The following CCPG1 variants were observed in gnomAD, a reference collection of about 807,000 sequenced individuals.
CCPG1 encodes the protein cell cycle progression 1.
In CCPG1, 46 loss-of-function variants were observed where a neutral mutation model predicts 81.3. The ratio of observed to expected loss-of-function variants is 0.57; its 90% CI spans 0.45 to 0.72. The LOEUF (loss-of-function observed/expected upper bound fraction) is 0.72. Ranked by LOEUF, CCPG1 falls within the 30% of genes least tolerant of loss-of-function variation. The probability of loss-of-function intolerance (pLI) is 0.00; values close to 1 mark genes in which losing one functional copy is unlikely to be tolerated. For missense variants in CCPG1, 902 were observed against 937.6 expected (o/e 0.96, Z 0.50); for synonymous variants, 330 against 305.2 (o/e 1.08, Z -0.85).
intron 5 of CCPG1, 73 bp from the exon 6 acceptor site, chr15:55,372,117 T>A (rs372080152): frequency 2.8e-6 from 4 of 1,410,988 alleles, no homozygotes. Context: ...TTATTTAGAA[T>A]AATCAATGCC....
intron 2 of CCPG1, among the ~76,000 whole-genome samples, chr15:55,386,513 C>T (rs1205691331): frequency 1.3e-5 from 2 of 152,140 alleles, no homozygotes; most frequent in Non-Finnish European, 2.9e-5. Flanking sequence ...TCCCTATGTC[C>T]CCACTATAGT....
At position 55,355,571 on chromosome 15, in the gene CCPG1, T is replaced by C. The variant is rs2056062406; in HGVS notation, c.*649A>G. 2 of 606,860 alleles carry C rather than the reference T, an allele frequency of 3.3e-6. No homozygotes were observed. The highest frequency in any genetic ancestry group is 3.0e-5 in the Admixed American group (1 of 32,866). 37.6% of individuals were successfully genotyped at this position (606,860 alleles called of 1,614,324 possible). A position where few individuals can be genotyped will look rare whatever the true frequency, so the allele number is the denominator to read the frequency against. On this transcript the variant is annotated 3_prime_UTR_variant, in exon 9 of 9. Coordinates refer to ENST00000442196, the MANE Select transcript of CCPG1 (RefSeq NM_001204450.2). ...TTACCAAATATCACTACTGAGGAAA[T>C]GTATAAAATACCACATAGTATAAAA...
At chr15:55,395,667 T>TGACCCCATCCCTA (rs2141332186) in intron 1 of CCPG1, among the ~76,000 whole-genome samples, 1 of 152,158 alleles carries the variant, frequency 6.6e-6, no homozygotes, top group East Asian at 1.9e-4. Context: ...AACCATCCCT[T>TGACCCCATCCCTA]GACCCCATCC....
chr15:55,377,263 T>C, intron 4 of CCPG1, 113 bp from the exon 5 acceptor site: 1 of 721,820 alleles, frequency 1.4e-6, no homozygotes. Context: ...AAATAAAAGA[T>C]ATGATTCCTA....
rs1242893970 is a variant in CCPG1 at position 55,356,362 on chromosome 15, T to TG, written c.2281dup (p.His761ProfsTer15). On this transcript the variant is annotated frameshift_variant, in exon 9 of 9. Transcript: ENST00000442196. LOFTEE classifies it high-confidence loss of function. ...AAGGTGCTTCTGCTCTTGTTTTCGA[T>TG]GCCTGGAGTTTTCAATATTTACCAT... 2 of 1,535,286 alleles carry TG rather than the reference T, an allele frequency of 1.3e-6. No homozygotes were observed. Among genetic ancestry groups the TG allele is most frequent in the Non-Finnish European group, 1.7e-6 (2 of 1,146,768 alleles).
intron 1 of CCPG1, among the ~76,000 whole-genome samples, chr15:55,403,405 T>TAA (rs34854989): frequency 0.1 from 14,602 of 143,808 alleles, 968 homozygotes; most frequent in African/African-American, 0.18. Flanking sequence ...GATAAGTACT[T>TAA]AAAAAAAAAA....
intron 3 of CCPG1, among the ~76,000 whole-genome samples, chr15:55,383,897 A>G (rs2141299040): frequency 6.6e-6 from 1 of 152,318 alleles, no homozygotes; most frequent in South Asian, 2.1e-4. Context: ...TCTCCATGTC[A>G]GCAATAAGGC....
Position 55,385,663 on chromosome 15 carries a change from G to C in CCPG1, c.112C>G (p.Pro38Ala), listed in dbSNP as rs1424289453. 1.4e-5 allele frequency: 23 copies of C among 1,611,978 alleles called. No homozygotes were observed. Among genetic ancestry groups the C allele is most frequent in the Non-Finnish European group, 2.0e-5 (23 of 1,178,536 alleles). ...NSVTPTDSCE[P>A]APECSSLEQE... The stretch of plus-strand genomic sequence containing the variant: ...TCTAAAGATGAACATTCTGGGGCGG[G>C]CTCACAGCTGTCAGTGGGGGTCACA... Residue 38 changes from proline to alanine, a missense_variant, in exon 3 of 9, where the codon CCC becomes GCC. Coordinates refer to ENST00000442196, the MANE Select transcript of CCPG1 (RefSeq NM_001204450.2).
At chr15:55,377,990 G>C (rs2056601892) in intron 4 of CCPG1, among the ~76,000 whole-genome samples, 1 of 152,124 alleles carries the variant, frequency 6.6e-6, no homozygotes, top group Admixed American at 6.5e-5. Flanking sequence ...CAAAGCATAA[G>C]TCTCAGGTTG....
intron 8 of CCPG1, chr15:55,357,009 G>A: frequency 1.0e-6 from 1 of 985,428 alleles, no homozygotes; most frequent in South Asian, 4.7e-5. Context: ...GGATTTTCAA[G>A]GTACCACTCC....
rs1237981539 is a variant in CCPG1, at chr15:55,360,076, A to G, written c.1697T>C (p.Phe566Ser). The G allele has an allele frequency of 6.2e-7, 1 of 1,613,888 alleles. No individual in the cohort carries two copies. Among genetic ancestry groups the G allele is most frequent in the South Asian group, 1.1e-5 (1 of 91,084 alleles). The change falls in exon 8 of 9, where the codon TTT becomes TCT. Residue 566 changes from phenylalanine (F) to serine (S), a missense_variant. Physicochemically the swap from Phe to Ser is radical, Grantham distance 155 (BLOSUM62 -2). Transcript: ENST00000442196. Reference protein sequence around the residue: ...KEAAEKPRTVFSDYLHPQYKA... With the variant: ...KEAAEKPRTVSSDYLHPQYKA... The stretch of plus-strand genomic sequence containing the variant: ...ATACTGTGGATGTAAATAGTCACTA[A>G]AAACTGTTCTTGGTTTTTCAGCTGC...
intron 2 of CCPG1, among the ~76,000 whole-genome samples, chr15:55,387,335 G>C (rs1329716432): frequency 1.3e-5 from 2 of 152,152 alleles, no homozygotes; most frequent in Admixed American, 6.6e-5. Flanking sequence ...GTTGCTATGG[G>C]AGTTGATCTA....
intron 1 of CCPG1, among the ~76,000 whole-genome samples, chr15:55,401,806 G>A (rs1432465228): frequency 6.6e-6 from 1 of 152,084 alleles, no homozygotes; most frequent in Non-Finnish European, 1.5e-5. Context: ...TAAGTATTCT[G>A]TACAATAAAG....
chr15:55,380,845 G>A lies in CCPG1; in HGVS notation c.176-2469C>T, dbSNP rs531959417. 7.2e-3 allele frequency among the ~76,000 whole-genome samples: 854 copies of A among 118,808 alleles called. 4 individuals are homozygous for A. The highest frequency in any genetic ancestry group is 9.1e-3 in the Non-Finnish European group (556 of 60,846). 77.9% of individuals were successfully genotyped at this position (118,808 alleles called of 152,430 possible). On this transcript the variant is annotated intron_variant, in intron 3 of 8. Coordinates refer to ENST00000442196, the MANE Select transcript of CCPG1 (RefSeq NM_001204450.2). ...CTGACCAACATAGTGAAATCCCGTC[G>A]CTATTAAAATGGCCGGGCGCGGCGG...
intron 3 of CCPG1, among the ~76,000 whole-genome samples, chr15:55,378,857 A>G (rs1224061076): frequency 2.0e-5 from 3 of 152,150 alleles, no homozygotes; most frequent in African/African-American, 7.2e-5. Context: ...TTGGCCTCCC[A>G]AAGTGCTGGG....
At chr15:55,372,789 A>G (rs1281984822) in intron 5 of CCPG1, 1 of 333,630 alleles carries the variant, frequency 3.0e-6, no homozygotes, top group African/African-American at 2.2e-5. Flanking sequence ...GGAACACAGG[A>G]AAGTACACAA....
At chr15:55,366,046 T>C (rs2056320464) in intron 6 of CCPG1, among the ~76,000 whole-genome samples, 1 of 152,204 alleles carries the variant, frequency 6.6e-6, no homozygotes, top group Admixed American at 6.5e-5. Flanking sequence ...AGGCTAGTTC[T>C]TAAAAACATT....
At chr15:55,377,775 G>C (rs1405236154) in intron 4 of CCPG1, among the ~76,000 whole-genome samples, 4 of 152,158 alleles carry the variant, frequency 2.6e-5, no homozygotes, top group Non-Finnish European at 1.5e-5. Context: ...ATGCCATTTG[G>C]AAACAAGACA....
At chr15:55,384,691 T>C (rs542307347) in intron 3 of CCPG1, among the ~76,000 whole-genome samples, 29 of 152,058 alleles carry the variant, frequency 1.9e-4, no homozygotes, top group African/African-American at 7.0e-4. Flanking sequence ...ATAAATGAAA[T>C]ATTATAATTA....
Sources: gnomAD v4.1 joint callset for allele counts (sites outside exome capture counted in the v4.1 genomes callset) on GRCh38, gnomAD v4.1.1 for gene constraint, MANE v1.5 for transcripts, NCBI Gene and HGNC (gene_info 2026-07-23, HGNC 2026-07-21) for gene names.